The following TENM3 variants were observed in gnomAD, a reference collection of about 807,000 sequenced individuals.
TENM3 encodes teneurin-3.
Under a neutral mutation model 255.1 loss-of-function variants are expected in TENM3, and 63 were observed. That is an observed-to-expected ratio of 0.25 (90% CI 0.20 to 0.30). The LOEUF (loss-of-function observed/expected upper bound fraction) is 0.30. Ranked by LOEUF, TENM3 falls within the 10% of genes least tolerant of loss-of-function variation. The pLI is 1.00. For missense variants in TENM3, 2,929 were observed against 3,461.1 expected (o/e 0.85, Z 3.86); for synonymous variants, 1,306 against 1,322.3 (o/e 0.99, Z 0.27).
chr4:181,866,462 G>T, the TENM3 span, among the ~76,000 whole-genome samples: 2 of 152,198 alleles, frequency 1.3e-5, no homozygotes, highest in Non-Finnish European at 2.9e-5. Context: ...GTAAAAGAAT[G>T]AGAAGTCACT....
At chr4:182,143,321 A>C (rs1181755035), upstream of TENM3, 1 of 167,054 alleles carries the variant, frequency 6.0e-6, no homozygotes, top group African/African-American at 2.4e-5. This position sits in a 1 kb window ranked among gnomAD's most constrained non-coding sequence, Gnocchi z 4.3. Context: ...CTGAGTGTTT[A>C]CTGCCTCCCT....
At chr4:181,528,128 T>G in the TENM3 span, among the ~76,000 whole-genome samples, 1 of 151,752 alleles carries the variant, frequency 6.6e-6, no homozygotes, top group African/African-American at 2.4e-5. Context: ...AATGAAAACA[T>G]TCTGTGATTT....
At chr4:181,733,750 T>G in the TENM3 span, among the ~76,000 whole-genome samples, 1 of 152,064 alleles carries the variant, frequency 6.6e-6, no homozygotes, top group Non-Finnish European at 1.5e-5. Flanking sequence ...GTACTTAGAG[T>G]CCCCGGAAGA....
In TENM3 at chr4:182,745,356, A is replaced by G. The variant is rs1036304796; in HGVS notation, c.3629+1937A>G. ...CAAAGCTCTGCTATTAGAAACCACA[A>G]TAGAATTTCAAAAACTTGCTGGTCT... On this transcript the variant is annotated intron_variant, in intron 19 of 27. Coordinates refer to ENST00000511685, the MANE Select transcript of TENM3 (RefSeq NM_001080477.4). Among the ~76,000 whole-genome samples, 4 of 152,242 alleles carry G rather than the reference A, an allele frequency of 2.6e-5. 1 individual carries two copies. The highest frequency in any genetic ancestry group is 7.2e-5 in the African/African-American group (3 of 41,474).
At chr4:182,219,677 A>G (rs1372263730) in intron 1 of TENM3, among the ~76,000 whole-genome samples, 3 of 152,146 alleles carry the variant, frequency 2.0e-5, no homozygotes, top group Non-Finnish European at 4.4e-5. Context: ...AACAAAAAAA[A>G]GAAAAGAAAG....
chr4:182,039,570 T>A, the TENM3 span, among the ~76,000 whole-genome samples: 2 of 151,992 alleles, frequency 1.3e-5, no homozygotes, highest in Non-Finnish European at 2.9e-5. Flanking sequence ...GAAGAATTAA[T>A]GCAAAAGAGA....
At chr4:182,190,383 C>G (rs1021916752) in intron 1 of TENM3, 5 of 152,206 alleles carry the variant, frequency 3.3e-5, no homozygotes, top group Non-Finnish European at 7.3e-5. Flanking sequence ...ACTGTTCTTT[C>G]TGCGTACCTC....
At chr4:182,435,725 A>T (rs1374135864) in intron 3 of TENM3, among the ~76,000 whole-genome samples, 1 of 152,230 alleles carries the variant, frequency 6.6e-6, no homozygotes, top group East Asian at 1.9e-4. Flanking sequence ...GAATTAATTT[A>T]AGAATTTTCA....
intron 3 of TENM3, among the ~76,000 whole-genome samples, chr4:182,440,240 T>C (rs1189399688): frequency 6.6e-6 from 1 of 151,182 alleles, no homozygotes; most frequent in African/African-American, 2.4e-5. Flanking sequence ...GCCTCCCAAG[T>C]AACTGGGACT....
intron 3 of TENM3, among the ~76,000 whole-genome samples, chr4:182,566,546 C>A (rs1203064117): frequency 6.6e-6 from 1 of 152,140 alleles, no homozygotes; most frequent in African/African-American, 2.4e-5. Flanking sequence ...CCAAATAGAT[C>A]ACAATACTGA....
At chr4:181,560,465 T>C in the TENM3 span, among the ~76,000 whole-genome samples, 1 of 152,176 alleles carries the variant, frequency 6.6e-6, no homozygotes, top group African/African-American at 2.4e-5. Context: ...GAGGAAAAAT[T>C]CGAACACTAG....
chr4:182,211,269 C>T (rs1000474853), intron 1 of TENM3, among the ~76,000 whole-genome samples: 3 of 152,164 alleles, frequency 2.0e-5, no homozygotes, highest in African/African-American at 4.8e-5. Context: ...ATGCATTACA[C>T]GCATTGTTTT....
intron 4 of TENM3, among the ~76,000 whole-genome samples, chr4:182,618,981 A>T (rs1478391917): frequency 1.3e-5 from 2 of 152,196 alleles, no homozygotes; most frequent in African/African-American, 4.8e-5. Flanking sequence ...GTAATTAAAA[A>T]TTACCCAAAG....
the TENM3 span, among the ~76,000 whole-genome samples, chr4:182,068,745 A>G: frequency 1.3e-5 from 2 of 152,120 alleles, no homozygotes; most frequent in Non-Finnish European, 2.9e-5. Flanking sequence ...ATAAAAACAT[A>G]TTTCTGGTGA....
chr4:181,625,136 C>T, the TENM3 span, among the ~76,000 whole-genome samples: 169 of 152,050 alleles, frequency 1.1e-3, no homozygotes, highest in African/African-American at 3.9e-3. Context: ...AGAAGCAGCA[C>T]CTTCACATGG....
intron 1 of TENM3, among the ~76,000 whole-genome samples, chr4:182,206,142 T>C (rs1299108118): frequency 6.6e-6 from 1 of 151,696 alleles, no homozygotes; most frequent in African/African-American, 2.4e-5. Flanking sequence ...TGTGTAAGTG[T>C]TAAAAATGTT....
the TENM3 span, among the ~76,000 whole-genome samples, chr4:181,620,734 T>A: frequency 3.3e-5 from 5 of 151,972 alleles, no homozygotes; most frequent in Admixed American, 1.3e-4. Flanking sequence ...TTGATTTCAT[T>A]ATTTGTTAAG....
chr4:182,687,876 G>A (rs888135375), intron 11 of TENM3, among the ~76,000 whole-genome samples: 1 of 152,016 alleles, frequency 6.6e-6, no homozygotes, highest in African/African-American at 2.4e-5. Context: ...TCTATATAAA[G>A]TATTGTATAT....
At chr4:182,651,526 A>G (rs1481798277) in intron 5 of TENM3, among the ~76,000 whole-genome samples, 2 of 152,030 alleles carry the variant, frequency 1.3e-5, no homozygotes, top group African/African-American at 4.8e-5. Flanking sequence ...CCCCGTCTGT[A>G]ATAAAAAAAA....
Sources: allele counts gnomAD v4.1 joint callset (sites outside exome capture counted in the v4.1 genomes callset), GRCh38; gene constraint gnomAD v4.1.1; non-coding constraint Gnocchi (gnomAD v3.1); transcripts MANE v1.5; gene names NCBI Gene and HGNC (gene_info 2026-07-23, HGNC 2026-07-21).